The following NEDD4 variants were observed in gnomAD, a reference collection of about 807,000 sequenced individuals.
NEDD4 encodes the protein E3 ubiquitin-protein ligase NEDD4.
In NEDD4, 99 loss-of-function variants were observed where a neutral mutation model predicts 144.9. The observed-to-expected ratio is 0.68, with a 90% confidence interval of 0.58 to 0.81. The LOEUF (loss-of-function observed/expected upper bound fraction) is 0.81. NEDD4 is among the 30% of genes least tolerant of loss of function. The pLI is 0.00. For missense variants in NEDD4, 985 were observed against 1,065.9 expected (o/e 0.92, Z 1.06); for synonymous variants, 318 against 350.6 (o/e 0.91, Z 1.04).
At chr15:55,873,455 CTT>C (rs1170124366) in intron 6 of NEDD4, among the ~76,000 whole-genome samples, 1 of 151,942 alleles carries the variant, frequency 6.6e-6, no homozygotes, top group African/African-American at 2.4e-5. Context: ...AGACGCCACT[CTT>C]ATCTTCCAAG....
chr15:55,886,032 T>A (rs1340012006), intron 5 of NEDD4, among the ~76,000 whole-genome samples: 1 of 150,332 alleles, frequency 6.7e-6, no homozygotes, highest in African/African-American at 2.4e-5. Context: ...AAAACGGAAA[T>A]CAAAAAAGGG....
intron 8 of NEDD4, among the ~76,000 whole-genome samples, chr15:55,864,566 C>A (rs2034520394): frequency 6.6e-6 from 1 of 151,330 alleles, no homozygotes; most frequent in African/African-American, 2.4e-5. Flanking sequence ...CTGTAAATCC[C>A]AGTTATTCGG....
chr15:55,846,689 T>C (rs2033760436), intron 18 of NEDD4, among the ~76,000 whole-genome samples: 1 of 152,104 alleles, frequency 6.6e-6, no homozygotes, highest in African/African-American at 2.4e-5. Flanking sequence ...TCAAGCCCCA[T>C]AAACCCCACA....
At chr15:55,990,499 T>G (rs1249550887) in intron 1 of NEDD4, among the ~76,000 whole-genome samples, 2 of 152,196 alleles carry the variant, frequency 1.3e-5, no homozygotes, top group African/African-American at 2.4e-5. Flanking sequence ...TATCAATATG[T>G]ACAAAGCAAG....
At chr15:55,847,071 G>A (rs1252711459) in intron 17 of NEDD4, 37 bp from the exon 18 acceptor site, 1 of 1,418,988 alleles carries the variant, frequency 7.0e-7, no homozygotes, top group Admixed American at 1.9e-5. Context: ...AAGAAGTTTA[G>A]GTTGTTTTTA....
rs1475795105 is a variant in NEDD4, at chr15:55,834,270, A to G, written c.2279T>C (p.Ile760Thr). 6.2e-7 allele frequency: 1 copy of G among 1,606,470 alleles called. No homozygotes were observed. Among genetic ancestry groups the G allele is most frequent in the South Asian group, 1.1e-5 (1 of 90,876 alleles). Residue 760 changes from isoleucine to threonine, a missense_variant, in exon 25 of 29, where the codon ATA becomes ACA. Transcript: ENST00000435532. ...AAFKEGFFEL[I>T]PQDLIKIFDE... Reference sequence around the variant, plus strand: ...AAAAATTTTGATGAGATCCTGTGGTATTAGTTCAAAGAATCCCTAGAAAAA... The same window carrying G: ...AAAAATTTTGATGAGATCCTGTGGTGTTAGTTCAAAGAATCCCTAGAAAAA...
rs1397968759 is a variant in NEDD4 at position 55,869,610 on chromosome 15, TC to T, written c.475del (p.Asp159MetfsTer10). On this transcript the variant is annotated frameshift_variant, in exon 8 of 29. Transcript: ENST00000435532. LOFTEE classifies it high-confidence loss of function. ...TTCCTCAGCCTGTTCTGCATTATCA[TC>T]TTCTGAGCCACTGGTTTTAGGTAAA... is the stretch of plus-strand genomic sequence containing the variant. Reference protein sequence around the residue: ...TYLPKTSGSEDDNAEQAEELE... With the variant: ...TYLPKTSGSEXDNAEQAEELE... 2 of 1,585,644 alleles carry T rather than the reference TC, an allele frequency of 1.3e-6. No individual in the cohort carries two copies. The highest frequency in any genetic ancestry group is 1.7e-6 in the Non-Finnish European group (2 of 1,164,114).
chr15:55,879,172 G>A (rs762134452), intron 5 of NEDD4, among the ~76,000 whole-genome samples: 2 of 152,130 alleles, frequency 1.3e-5, no homozygotes, highest in Non-Finnish European at 2.9e-5. Context: ...CATGCTGTCC[G>A]ATTTAATTTA....
At chr15:55,991,142 C>CAAATTT (rs1238862544) in intron 1 of NEDD4, among the ~76,000 whole-genome samples, 3 of 152,164 alleles carry the variant, frequency 2.0e-5, no homozygotes, top group African/African-American at 7.2e-5. Context: ...GTTTTAGTTT[C>CAAATTT]AAATTTAAAA....
chr15:55,854,314 C>T (rs947323081), intron 12 of NEDD4, among the ~76,000 whole-genome samples: 2 of 152,218 alleles, frequency 1.3e-5, no homozygotes, highest in Admixed American at 6.5e-5. Flanking sequence ...GGGAGTCCTA[C>T]GTACTTTGGG....
intron 7 of NEDD4, among the ~76,000 whole-genome samples, chr15:55,870,913 A>C (rs1294140392): frequency 3.3e-5 from 5 of 152,030 alleles, no homozygotes; most frequent in African/African-American, 9.7e-5. Context: ...TCAGCTCTCT[A>C]TATAGATTTT....
intron 4 of NEDD4, among the ~76,000 whole-genome samples, chr15:55,927,444 A>C (rs2036697093): frequency 6.6e-6 from 1 of 152,160 alleles, no homozygotes; most frequent in African/African-American, 2.4e-5. Context: ...ACAGGCATGC[A>C]CTACCATGCT....
At chr15:55,916,669 G>C (rs746614127) in intron 5 of NEDD4, 1 of 1,614,072 alleles carries the variant, frequency 6.2e-7, no homozygotes, top group South Asian at 1.1e-5. Context: ...AGTGCAGTCT[G>C]TCTGGGAGTC....
intron 4 of NEDD4, among the ~76,000 whole-genome samples, chr15:55,927,857 C>T (rs775097388): frequency 6.6e-6 from 1 of 152,094 alleles, no homozygotes; most frequent in African/African-American, 2.4e-5. Context: ...GGGAGGGAGA[C>T]AGGGCTATAG....
chr15:55,987,932 C>G (rs1406792077), intron 1 of NEDD4: 2 of 134,098 alleles, frequency 1.5e-5, no homozygotes, highest in Non-Finnish European at 1.6e-5. Context: ...GTTCTTTTGG[C>G]TTAGGATTGA....
intron 4 of NEDD4, among the ~76,000 whole-genome samples, chr15:55,938,189 T>A (rs1180437522): frequency 6.6e-6 from 1 of 152,046 alleles, no homozygotes; most frequent in East Asian, 1.9e-4. Context: ...TGAAACCCTG[T>A]CTCTACTAAA....
chr15:55,834,433 T>C lies in NEDD4; in HGVS notation c.2263-147A>G, dbSNP rs2033103419. ...CGGGCTCTTCACTGAGATCTCAATA[T>C]TGGCCAGAAAATGTACATGTGCACA... On this transcript the variant is annotated intron_variant, in intron 24 of 28. Coordinates refer to ENST00000435532, the MANE Select transcript of NEDD4 (RefSeq NM_006154.4). The C allele has an allele frequency of 4.9e-6, 3 of 615,610 alleles. No homozygotes were observed. The South Asian group carries it at 6.0e-5, about 12-fold the overall frequency. The allele number at this position is 615,610 out of a possible 1,614,324, so 38.1% of individuals were successfully genotyped here. A position where few individuals can be genotyped will look rare whatever the true frequency, so the allele number is the denominator to read the frequency against.
intron 18 of NEDD4, among the ~76,000 whole-genome samples, chr15:55,845,276 A>G (rs1355128188): frequency 6.6e-6 from 1 of 152,152 alleles, no homozygotes; most frequent in Non-Finnish European, 1.5e-5. Context: ...TTAGTCACCA[A>G]TATGACATGT....
chr15:55,859,848 A>G (rs2034332949), intron 11 of NEDD4, among the ~76,000 whole-genome samples: 1 of 152,176 alleles, frequency 6.6e-6, no homozygotes, highest in Non-Finnish European at 1.5e-5. Flanking sequence ...TATAGACAAA[A>G]CATGAACATT....
Sources: allele counts gnomAD v4.1 joint callset (sites outside exome capture counted in the v4.1 genomes callset), GRCh38; gene constraint gnomAD v4.1.1; transcripts MANE v1.5; gene names NCBI Gene and HGNC (gene_info 2026-07-23, HGNC 2026-07-21).